Variants in ZDHHC20 observed in about 807,000 individuals in gnomAD.
ZDHHC20 encodes the protein palmitoyltransferase ZDHHC20.
A neutral mutation model predicts 57.8 loss-of-function variants in ZDHHC20; 43 were observed. The observed-to-expected ratio is 0.74, with a 90% CI of 0.58 to 0.96. The LOEUF is 0.96. ZDHHC20 is among the 40% of genes least tolerant of loss of function. The probability of loss-of-function intolerance (pLI) is 0.00; values close to 1 mark genes in which losing one functional copy is unlikely to be tolerated. For missense variants in ZDHHC20, 391 were observed against 441.1 expected (o/e 0.89, Z 1.02); for synonymous variants, 157 against 153.0 (o/e 1.03, Z -0.19).
intron 1 of ZDHHC20, among the ~76,000 whole-genome samples, chr13:21,435,220 GCTTA>G (rs1471753040): frequency 2.0e-5 from 3 of 151,622 alleles, no homozygotes; most frequent in Non-Finnish European, 4.4e-5. Context: ...TGAAACATCT[GCTTA>G]CTTTTTTGTT....
At chr13:21,457,822 G>A (rs1885047717) in intron 1 of ZDHHC20, among the ~76,000 whole-genome samples, 1 of 152,194 alleles carries the variant, frequency 6.6e-6, no homozygotes, top group African/African-American at 2.4e-5. Flanking sequence ...GGGTGGTACA[G>A]ATTCTTCTCA....
intron 12 of ZDHHC20, among the ~76,000 whole-genome samples, chr13:21,378,232 G>C (rs561771507): frequency 1.3e-5 from 2 of 152,044 alleles, no homozygotes; most frequent in South Asian, 4.2e-4. Flanking sequence ...TTTTTGTCGA[G>C]ATGAGGTCTC....
At chr13:21,388,417 A>T (rs181122020) in intron 8 of ZDHHC20, among the ~76,000 whole-genome samples, 34 of 152,324 alleles carry the variant, frequency 2.2e-4, no homozygotes, top group Non-Finnish European at 3.5e-4. Context: ...AGGAGTCTAG[A>T]AAAGTTGTAA....
At chr13:21,385,018 CA>C (rs1874198319) in intron 9 of ZDHHC20, among the ~76,000 whole-genome samples, 2 of 151,280 alleles carry the variant, frequency 1.3e-5, no homozygotes, top group Non-Finnish European at 2.9e-5. Context: ...TGAAAATTAG[CA>C]AACAAGACTT....
At chr13:21,436,448 C>T (rs1882551901) in intron 1 of ZDHHC20, among the ~76,000 whole-genome samples, 1 of 152,182 alleles carries the variant, frequency 6.6e-6, no homozygotes, top group African/African-American at 2.4e-5. Flanking sequence ...CTTTGTGTCT[C>T]CGTGTCACAT....
intron 4 of ZDHHC20, among the ~76,000 whole-genome samples, chr13:21,405,412 A>G (rs1205735210): frequency 4.6e-5 from 7 of 152,216 alleles, no homozygotes; most frequent in African/African-American, 1.7e-4. Context: ...ACATTAGGGA[A>G]AAAGACACAA....
At chr13:21,397,402 C>T (rs1876961836) in intron 7 of ZDHHC20, among the ~76,000 whole-genome samples, 1 of 151,336 alleles carries the variant, frequency 6.6e-6, no homozygotes, top group African/African-American at 2.4e-5. Context: ...TGGCTCGCAC[C>T]TGTAATCCCA....
intron 4 of ZDHHC20, among the ~76,000 whole-genome samples, chr13:21,408,606 T>C (rs942877225): frequency 6.6e-6 from 1 of 152,238 alleles, no homozygotes; most frequent in Non-Finnish European, 1.5e-5. Flanking sequence ...CCTTTATTTC[T>C]TTCTCTTGCC....
chr13:21,438,403 A>G (rs1002343803), intron 1 of ZDHHC20, among the ~76,000 whole-genome samples: 1 of 152,242 alleles, frequency 6.6e-6, no homozygotes, highest in Non-Finnish European at 1.5e-5. Context: ...AAGATCATGG[A>G]TGACACTAAA....
At chr13:21,411,334 G>A (rs929868181) in intron 4 of ZDHHC20, among the ~76,000 whole-genome samples, 1 of 152,202 alleles carries the variant, frequency 6.6e-6, no homozygotes, top group Non-Finnish European at 1.5e-5. Flanking sequence ...GACCGAGTAT[G>A]TTATATTTTA....
At chr13:21,388,073 A>G (rs1464213612) in intron 8 of ZDHHC20, among the ~76,000 whole-genome samples, 2 of 152,186 alleles carry the variant, frequency 1.3e-5, no homozygotes, top group South Asian at 4.1e-4. Context: ...TTACAGTGTT[A>G]TAAGTGCTAA....
intron 7 of ZDHHC20, among the ~76,000 whole-genome samples, chr13:21,395,069 CTTTTT>C (rs11335890): frequency 6.9e-6 from 1 of 144,624 alleles, no homozygotes; most frequent in Non-Finnish European, 1.5e-5. Context: ...TAAATTCTTT[CTTTTT>C]TTTTTTTTTT....
intron 7 of ZDHHC20, among the ~76,000 whole-genome samples, chr13:21,398,256 A>T (rs2137776558): frequency 6.6e-6 from 1 of 152,216 alleles, no homozygotes. Flanking sequence ...CGAGGTCAGG[A>T]GATCGAGACC....
intron 6 of ZDHHC20, 76 bp from the exon 7 acceptor site, chr13:21,400,569 G>A: frequency 7.0e-7 from 1 of 1,431,848 alleles, no homozygotes; most frequent in South Asian, 1.4e-5. Context: ...TAGGATGGAG[G>A]CTGCCAGGGG....
intron 1 of ZDHHC20, among the ~76,000 whole-genome samples, chr13:21,437,514 T>C (rs9509704): frequency 0.17 from 26,248 of 152,098 alleles, 2,740 homozygotes; most frequent in Non-Finnish European, 0.25. Flanking sequence ...CTTCAAAGAA[T>C]AGGGAGACTC....
chr13:21,435,456 G>T (rs1294972779), intron 1 of ZDHHC20, among the ~76,000 whole-genome samples: 1 of 152,074 alleles, frequency 6.6e-6, no homozygotes, highest in East Asian at 1.9e-4. Flanking sequence ...AAACAATAAG[G>T]ACACATCAAA....
intron 1 of ZDHHC20, among the ~76,000 whole-genome samples, chr13:21,447,255 T>G (rs1215629940): frequency 6.7e-6 from 1 of 149,438 alleles, no homozygotes; most frequent in Non-Finnish European, 1.5e-5. Context: ...CGTCCCAGTT[T>G]GGACAGATAG....
At chr13:21,415,975 G>A (rs866040160) in intron 3 of ZDHHC20, among the ~76,000 whole-genome samples, 1 of 152,000 alleles carries the variant, frequency 6.6e-6, no homozygotes, top group Non-Finnish European at 1.5e-5. Context: ...GGCCGAAGCT[G>A]GTGGATCACG....
intron 4 of ZDHHC20, among the ~76,000 whole-genome samples, chr13:21,413,439 C>T (rs916745150): frequency 3.9e-5 from 6 of 151,956 alleles, no homozygotes; most frequent in African/African-American, 9.7e-5. Context: ...CATATTAAAG[C>T]GGGCCCCTTA....
Sources: allele counts gnomAD v4.1 joint callset (sites outside exome capture counted in the v4.1 genomes callset), GRCh38; gene constraint gnomAD v4.1.1; transcripts MANE v1.5; gene names NCBI Gene and HGNC (gene_info 2026-07-23, HGNC 2026-07-21).